The following SLC37A2 variants were observed in gnomAD, a reference collection of about 807,000 sequenced individuals.
SLC37A2 encodes the protein solute carrier family 37 member 2, also known as glucose-6-phosphate exchanger SLC37A2.
Under a neutral mutation model 70.7 loss-of-function variants are expected in SLC37A2, and 59 were observed. The ratio of observed to expected loss-of-function variants is 0.83; its 90% confidence interval spans 0.68 to 1.04. The LOEUF is 1.04. Among genes scored for constraint, SLC37A2 ranks in the 50% least tolerant of loss-of-function variants. The pLI is 0.00. For synonymous variants in SLC37A2, 257 were observed against 262.1 expected (o/e 0.98, Z 0.19); for missense variants, 580 against 658.1 (o/e 0.88, Z 1.30).
At position 125,063,451 on chromosome 11, in the gene SLC37A2, G is replaced by A; in HGVS notation, c.59+25G>A. The stretch of plus-strand genomic sequence containing the variant: ...GGTGAGCGGGGCAGGGGAGGGAGGC[G>A]TGCCGGGACCTCCTGGGCTCGGGGC... On this transcript the variant is annotated intron_variant, in intron 1 of 17. Transcript: ENST00000403796. This position sits in a 1 kb window ranked among gnomAD's most constrained non-coding sequence, Gnocchi z 5.4. 6.2e-7 allele frequency: 1 copy of A among 1,604,028 alleles called. No homozygotes were observed. Among genetic ancestry groups the A allele is most frequent in the Non-Finnish European group, 8.5e-7 (1 of 1,175,832 alleles).
chr11:125,076,761 C>T lies in SLC37A2; in HGVS notation c.64C>T (p.Arg22Ter), dbSNP rs771251345. The part of the protein sequence containing the change: ...FRAFSRDSWF[R>*]GLILLLTFLI... The stretch of plus-strand genomic sequence containing the variant: ...AGATGCTGTCCCTTCCTGCAGGTTC[C>T]GAGGCCTCATCCTGCTGCTGACCTT... The change falls in exon 2 of 18, where the codon CGA (arginine) becomes TGA (stop). Residue 22 changes from arginine to a stop codon, truncating the protein, a stop_gained. Transcript: ENST00000403796. LOFTEE classifies it high-confidence loss of function. The T allele has an allele frequency of 2.4e-5, 39 of 1,613,992 alleles. No homozygotes were observed. The highest frequency in any genetic ancestry group is 3.1e-5 in the Non-Finnish European group (37 of 1,179,994).
intron 4 of SLC37A2, among the ~76,000 whole-genome samples, chr11:125,077,833 A>G (rs1035969649): frequency 6.6e-6 from 1 of 152,158 alleles, no homozygotes; most frequent in Non-Finnish European, 1.5e-5. Context: ...GTGCACATAT[A>G]TCTGGGAGAA....
chr11:125,068,617 G>A (rs571370644), intron 1 of SLC37A2, among the ~76,000 whole-genome samples: 14 of 152,308 alleles, frequency 9.2e-5, no homozygotes, highest in African/African-American at 1.2e-4. Flanking sequence ...TGCAGAAGTC[G>A]GTTGGGGAGA....
intron 1 of SLC37A2, among the ~76,000 whole-genome samples, chr11:125,064,962 C>T (rs1948967365): frequency 2.0e-5 from 3 of 152,220 alleles, no homozygotes; most frequent in Admixed American, 6.5e-5. Flanking sequence ...GTATATTTTA[C>T]CACAATTTTA....
rs1949092151 is a variant in SLC37A2 at position 125,076,811 on chromosome 11, G to A, written c.114G>A (p.Met38Ile). Reference sequence around the variant, plus strand: ...TCCTAATTTACGCCTGCTATCACATGTCCAGGAAGCCTATCAGTATCGTCA... The same window carrying A: ...TCCTAATTTACGCCTGCTATCACATATCCAGGAAGCCTATCAGTATCGTCA... ...LTFLIYACYH[M>I]SRKPISIVKS... The change falls in exon 2 of 18, where the codon ATG becomes ATA. Residue 38 changes from methionine (M) to isoleucine (I), a missense_variant. Transcript: ENST00000403796. 4 of 1,614,142 alleles carry A rather than the reference G, an allele frequency of 2.5e-6. No individual in the cohort carries two copies. Among genetic ancestry groups the A allele is most frequent in the Non-Finnish European group, 2.5e-6 (3 of 1,180,030 alleles).
chr11:125,086,173 T>C, intron 17 of SLC37A2, 155 bp downstream of exon 17: 1 of 1,599,722 alleles, frequency 6.3e-7, no homozygotes, highest in Non-Finnish European at 8.6e-7. Context: ...CCTGCTAACC[T>C]GTCCTCTGTT....
In SLC37A2 at chr11:125,088,377, ATGGGACTAGGGCTGAG is replaced by A. The variant is rs1392555615; in HGVS notation, c.*245_*260del. The A allele has an allele frequency of 8.8e-6, 5 of 569,868 alleles. No homozygotes were observed. The highest frequency in any genetic ancestry group is 1.2e-5 in the Non-Finnish European group (4 of 320,808). The allele number at this position is 569,868 out of a possible 1,614,324, so 35.3% of individuals were successfully genotyped here. On this transcript the variant is annotated 3_prime_UTR_variant, in exon 18 of 18. Coordinates refer to ENST00000403796, the MANE Select transcript of SLC37A2 (RefSeq NM_001145290.2). ...GCTCTGGAAGCTGCAAGCAAAAGGG[ATGGGACTAGGGCTGAG>A]TTGTGTCTCCATTTTGATAAGGAAA...
chr11:125,074,533 G>A (rs1038083544), intron 1 of SLC37A2, among the ~76,000 whole-genome samples: 9 of 150,198 alleles, frequency 6.0e-5, no homozygotes, highest in Non-Finnish European at 1.2e-4. Context: ...AGGCAAAAGG[G>A]CCATGGAGCA....
At chr11:125,078,436 C>G (rs141887142) in intron 4 of SLC37A2, among the ~76,000 whole-genome samples, 8 of 152,240 alleles carry the variant, frequency 5.3e-5, no homozygotes, top group Non-Finnish European at 1.2e-4. Context: ...GTAGCCCAAG[C>G]TGTTGAGCTT....
At chr11:125,086,540 T>C in intron 17 of SLC37A2, 1 of 437,376 alleles carries the variant, frequency 2.3e-6, no homozygotes, top group Non-Finnish European at 4.2e-6. Flanking sequence ...AGTTTCCCTC[T>C]GAGCTGCGAC....
intron 1 of SLC37A2, 131 bp from the exon 2 acceptor site, chr11:125,076,626 C>T: frequency 2.5e-6 from 2 of 811,832 alleles, no homozygotes; most frequent in Non-Finnish European, 4.0e-6. Context: ...TTGGCCTCTG[C>T]ACCAAGAAGG....
chr11:125,089,526 A>G lies in SLC37A2; in HGVS notation c.*1392A>G, dbSNP rs7936882. 116,694 of 152,598 alleles carry G rather than the reference A, an allele frequency of 0.76. 44,960 individuals carry two copies. The highest frequency in any genetic ancestry group is 0.87 in the African/African-American group (36,120 of 41,440). 9.5% of individuals were successfully genotyped at this position (152,598 alleles called of 1,614,324 possible). A position where few individuals can be genotyped will look rare whatever the true frequency, so the allele number is the denominator to read the frequency against. ...AGGCGCGAGCGGGAACCGGGGCTGC[A>G]TGCAGCGCTTGCGGGCCAGCTGGAG... On this transcript the variant is annotated 3_prime_UTR_variant, in exon 18 of 18. Coordinates refer to ENST00000403796, the MANE Select transcript of SLC37A2 (RefSeq NM_001145290.2).
chr11:125,071,853 A>AGGGGGGGGGGCTTGGGGGGGG (rs71042470), intron 1 of SLC37A2, among the ~76,000 whole-genome samples: 1 of 64,400 alleles, frequency 1.6e-5, no homozygotes, highest in Non-Finnish European at 4.0e-5. Context: ...CTTGTGGGGG[A>AGGGGGGGGGGCTTGGGGGGGG]GGGGGGGTGG....
At position 125,088,099 on chromosome 11, in the gene SLC37A2, C is replaced by A. The variant is rs1457729246; in HGVS notation, c.1491-20C>A. The A allele has an allele frequency of 6.4e-7, 1 of 1,551,868 alleles. No individual in the cohort carries two copies. On this transcript the variant is annotated intron_variant, in intron 17 of 17. Transcript: ENST00000403796. ...AGTCATCTCACTTTCTCTTCTGTCC[C>A]CCCTCTCCTCTTCATGCAGGTATAA...
At chr11:125,077,394 G>A in intron 3 of SLC37A2, 56 bp from the exon 4 acceptor site, 1 of 1,594,920 alleles carries the variant, frequency 6.3e-7, no homozygotes. Flanking sequence ...TCCAGGGAGG[G>A]CTTCCTGCAG....
chr11:125,084,707 G>T, intron 12 of SLC37A2, 118 bp from the exon 13 acceptor site: 2 of 1,088,336 alleles, frequency 1.8e-6, no homozygotes, highest in Non-Finnish European at 2.8e-6. Context: ...ATAGGCAGGG[G>T]AAAAGGAATA....
At chr11:125,070,736 G>T (rs749052715) in intron 1 of SLC37A2, among the ~76,000 whole-genome samples, 2 of 152,128 alleles carry the variant, frequency 1.3e-5, no homozygotes, top group Non-Finnish European at 2.9e-5. Context: ...TCCCTACTCC[G>T]GCCCCCCAGA....
In SLC37A2 at chr11:125,063,779, C is replaced by G. The variant is rs1948954669; in HGVS notation, c.59+353C>G. On this transcript the variant is annotated intron_variant, in intron 1 of 17. Transcript: ENST00000403796. This position sits in a 1 kb window ranked among gnomAD's most constrained non-coding sequence, Gnocchi z 5.4. ...TTCTGTCGTTGGGCAGCTGGGGAACCTGGGCTCGAAGGCTGGGGAACCGAG... is the reference window on the plus strand; with the variant it reads ...TTCTGTCGTTGGGCAGCTGGGGAACGTGGGCTCGAAGGCTGGGGAACCGAG... Among the ~76,000 whole-genome samples the G allele has an allele frequency of 6.6e-6, 1 of 152,352 alleles. No homozygotes were observed. The highest frequency in any genetic ancestry group is 2.1e-4 in the South Asian group (1 of 4,828).
intron 17 of SLC37A2, chr11:125,086,495 C>T (rs1457276998): frequency 7.5e-6 from 4 of 531,346 alleles, no homozygotes; most frequent in Non-Finnish European, 1.4e-5. Context: ...TTTGGACATG[C>T]CCTCGGGGAC....
Sources: allele counts gnomAD v4.1 joint callset (sites outside exome capture counted in the v4.1 genomes callset), GRCh38; gene constraint gnomAD v4.1.1; non-coding constraint Gnocchi (gnomAD v3.1); transcripts MANE v1.5; gene names NCBI Gene and HGNC (gene_info 2026-07-23, HGNC 2026-07-21).